Variants in SNX2 observed in about 807,000 individuals in gnomAD.
SNX2 encodes sorting nexin 2.
Under a neutral mutation model 69.9 loss-of-function variants are expected in SNX2, and 25 were observed. The observed-to-expected ratio is 0.36, with a 90% CI of 0.26 to 0.50. The LOEUF is 0.50. Among genes scored for constraint, SNX2 ranks in the 20% least tolerant of loss-of-function variants. SNX2 has a pLI of 0.97. For synonymous variants in SNX2, 229 were observed against 200.4 expected, an observed-to-expected ratio of 1.14 and a Z score of -1.20; for missense variants, 551 against 613.3, an observed-to-expected ratio of 0.90 and a Z score of 1.07.
rs181737256 is a variant in SNX2 at position 122,831,427 on chromosome 5, C to G, written c.*1779C>G. Among the ~76,000 whole-genome samples the G allele has an allele frequency of 3.2e-3, 482 of 152,150 alleles. 9 individuals are homozygous for G. Among genetic ancestry groups the G allele is most frequent in the Non-Finnish European group, 3.2e-3 (220 of 68,004 alleles). On this transcript the variant is annotated 3_prime_UTR_variant, in exon 15 of 15. Coordinates refer to ENST00000379516, the MANE Select transcript of SNX2 (RefSeq NM_003100.4). Reference sequence around the variant, plus strand: ...GTTTGAGGCTATAGTACACTATGATCGTGCCTGTGAATACCCACTAACCTA... The same window carrying G: ...GTTTGAGGCTATAGTACACTATGATGGTGCCTGTGAATACCCACTAACCTA...
chr5:122,816,506 A>T (rs1364703119), intron 8 of SNX2, among the ~76,000 whole-genome samples: 1 of 151,982 alleles, frequency 6.6e-6, no homozygotes, highest in Non-Finnish European at 1.5e-5. Context: ...TTTTTAAAAA[A>T]CTCAAAATTA....
intron 1 of SNX2, among the ~76,000 whole-genome samples, chr5:122,784,235 A>G (rs1189301550): frequency 2.0e-5 from 3 of 147,844 alleles, no homozygotes; most frequent in Non-Finnish European, 1.5e-5. Flanking sequence ...TCTTGTCCTA[A>G]TGGCTGGGTA....
chr5:122,810,497 C>T lies in SNX2; in HGVS notation c.722+2142C>T, dbSNP rs1171664792. ...AATGTAACCATGACCCTTTGAGAGA[C>T]CTTTCAAGTCTTATTTTTCTATGAG... On this transcript the variant is annotated intron_variant, in intron 7 of 14. Coordinates refer to ENST00000379516, the MANE Select transcript of SNX2 (RefSeq NM_003100.4). Among the ~76,000 whole-genome samples, 4 of 151,742 alleles carry T rather than the reference C, an allele frequency of 2.6e-5. No individual in the cohort carries two copies. In the South Asian group the frequency reaches 6.2e-4, roughly 24 times the overall value.
chr5:122,796,372 C>T lies in SNX2; in HGVS notation c.226+989C>T, dbSNP rs551436653. ...CCATCACAAAACTCCATATAATTTA[C>T]ACCTTGATTCATTCCATGAGAAGTT... On this transcript the variant is annotated intron_variant, in intron 2 of 14. Coordinates refer to ENST00000379516, the MANE Select transcript of SNX2 (RefSeq NM_003100.4). Among the ~76,000 whole-genome samples the T allele has an allele frequency of 4.9e-4, 74 of 152,290 alleles. No homozygotes were observed. In the South Asian group the frequency reaches 0.014, roughly 28 times the overall value.
intron 3 of SNX2, among the ~76,000 whole-genome samples, chr5:122,801,652 C>CGTGTGTGTGTGT (rs61189602): frequency 0.04 from 5,302 of 131,978 alleles, 316 homozygotes; most frequent in African/African-American, 0.12. Flanking sequence ...TGGTCTTTTT[C>CGTGTGTGTGTGT]GTGTGTGTGT....
intron 1 of SNX2, among the ~76,000 whole-genome samples, chr5:122,786,993 A>T (rs768816371): frequency 1.3e-5 from 2 of 152,162 alleles, no homozygotes; most frequent in Admixed American, 1.3e-4. Flanking sequence ...AAGAATACAG[A>T]TGTCTACTCA....
At chr5:122,805,063 G>T (rs1305948387) in intron 6 of SNX2, among the ~76,000 whole-genome samples, 1 of 151,978 alleles carries the variant, frequency 6.6e-6, no homozygotes, top group East Asian at 2.0e-4. Context: ...AGACCGAGAT[G>T]GGCGGATCAC....
At chr5:122,800,473 G>T (rs1434254164) in intron 3 of SNX2, among the ~76,000 whole-genome samples, 1 of 152,032 alleles carries the variant, frequency 6.6e-6, no homozygotes, top group Non-Finnish European at 1.5e-5. Context: ...AGACATAAAA[G>T]AATACTTACA....
At chr5:122,803,168 G>A (rs544074482) in intron 5 of SNX2, among the ~76,000 whole-genome samples, 8 of 152,244 alleles carry the variant, frequency 5.3e-5, no homozygotes, top group African/African-American at 1.9e-4. Context: ...GGATATATTG[G>A]ACTGAAGCTT....
intron 1 of SNX2, 76 bp downstream of exon 1, chr5:122,775,287 C>T (rs1581618958): frequency 6.8e-7 from 1 of 1,471,870 alleles, no homozygotes; most frequent in Non-Finnish European, 9.1e-7. Context: ...CGACTTGTCC[C>T]TCCCCATCCC....
At chr5:122,800,253 T>C (rs1366903476) in intron 3 of SNX2, among the ~76,000 whole-genome samples, 4 of 152,300 alleles carry the variant, frequency 2.6e-5, no homozygotes, top group African/African-American at 4.8e-5. Context: ...GGAGGATGTA[T>C]ATCAGTTAAA....
At chr5:122,821,724 G>A (rs1754030894) in intron 11 of SNX2, among the ~76,000 whole-genome samples, 1 of 152,056 alleles carries the variant, frequency 6.6e-6, no homozygotes, top group South Asian at 2.1e-4. Context: ...CAAAGTGCTG[G>A]GATTACAGGC....
rs889795935 is a variant in SNX2, at chr5:122,834,501, A to G, written c.*4853A>G. 2.0e-5 allele frequency: 3 copies of G among 152,232 alleles called. No homozygotes were observed. Among genetic ancestry groups the G allele is most frequent in the African/African-American group, 7.2e-5 (3 of 41,468 alleles). 9.4% of individuals were successfully genotyped at this position (152,232 alleles called of 1,614,324 possible). A position where few individuals can be genotyped will look rare whatever the true frequency, so the allele number is the denominator to read the frequency against. On this transcript the variant is annotated 3_prime_UTR_variant, in exon 15 of 15. Transcript: ENST00000379516. ...ATAAAGTTCTATTTTAAATTTATAC[A>G]TGTAACTTTAATAAAAACTAAGTCA...
In SNX2 at chr5:122,802,694, C is replaced by T. The variant is rs149503239; in HGVS notation, c.501+570C>T. On this transcript the variant is annotated intron_variant, in intron 5 of 14. Coordinates refer to ENST00000379516, the MANE Select transcript of SNX2 (RefSeq NM_003100.4). ...AGGATTTCCAGTTAAAGGGACACTG[C>T]AATGATTAAAGGATTGTATGCCTTT... Among the ~76,000 whole-genome samples, 643 of 152,248 alleles carry T rather than the reference C, an allele frequency of 4.2e-3. 7 individuals carry two copies. The highest frequency in any genetic ancestry group is 0.024 in the Middle Eastern group (7 of 294).
chr5:122,829,744 A>G lies in SNX2; in HGVS notation c.*96A>G, dbSNP rs188602339. On this transcript the variant is annotated 3_prime_UTR_variant, in exon 15 of 15. Transcript: ENST00000379516. ...TTTAAAACCATCTAAATAAACCACT[A>G]TATATTTTATGAATTACATGTGGTT... 2.4e-5 allele frequency: 22 copies of G among 919,106 alleles called. No individual in the cohort carries two copies. The highest frequency in any genetic ancestry group is 1.3e-4 in the African/African-American group (8 of 59,664). The allele number at this position is 919,106 out of a possible 1,614,324, so 56.9% of individuals were successfully genotyped here.
At chr5:122,800,656 C>T (rs964957741) in intron 3 of SNX2, among the ~76,000 whole-genome samples, 1 of 152,128 alleles carries the variant, frequency 6.6e-6, no homozygotes, top group South Asian at 2.1e-4. Flanking sequence ...TGATTACAAA[C>T]GTGTTCACTT....
intron 7 of SNX2, among the ~76,000 whole-genome samples, chr5:122,814,223 A>C (rs904453427): frequency 6.6e-6 from 1 of 152,222 alleles, no homozygotes; most frequent in African/African-American, 2.4e-5. Flanking sequence ...TAAACAACGA[A>C]ATAACTTATC....
chr5:122,794,603 A>G (rs1490749654), intron 1 of SNX2, among the ~76,000 whole-genome samples: 1 of 152,222 alleles, frequency 6.6e-6, no homozygotes, highest in East Asian at 1.9e-4. Flanking sequence ...AAAATTAGGG[A>G]TTTTTGAAAA....
intron 11 of SNX2, among the ~76,000 whole-genome samples, chr5:122,820,087 GGCA>G (rs1258618150): frequency 6.6e-6 from 1 of 152,060 alleles, no homozygotes. Flanking sequence ...ATTATATATA[GGCA>G]GCTTGTGATG....
Sources: allele counts gnomAD v4.1 joint callset (sites outside exome capture counted in the v4.1 genomes callset), GRCh38; gene constraint gnomAD v4.1.1; transcripts MANE v1.5; gene names NCBI Gene and HGNC (gene_info 2026-07-23, HGNC 2026-07-21).